RB1CC1: variants seen among roughly 807,000 people sequenced by gnomAD.
RB1CC1 encodes the protein RB1-inducible coiled-coil protein 1.
In RB1CC1, 46 loss-of-function variants were observed where a neutral mutation model predicts 177.5. The ratio of observed to expected loss-of-function variants is 0.26; its 90% confidence interval spans 0.20 to 0.33. The LOEUF is 0.33. Among genes scored for constraint, RB1CC1 ranks in the 10% least tolerant of loss-of-function variants. The pLI, the probability that RB1CC1 is intolerant of heterozygous loss-of-function variation, is 1.00. For missense variants in RB1CC1, 1,703 were observed against 1,816.3 expected (o/e 0.94, Z 1.13); for synonymous variants, 666 against 613.6 (o/e 1.09, Z -1.26).
chr8:52,642,501 C>T lies in RB1CC1; in HGVS notation c.4187G>A (p.Ser1396Asn). The T allele has an allele frequency of 1.2e-6, 2 of 1,614,072 alleles. No homozygotes were observed. Among genetic ancestry groups the T allele is most frequent in the South Asian group, 2.2e-5 (2 of 91,086 alleles). ...AGCTACATATGGTGAAGGAACAAAACTGCTACTACGCAACTTACTGACTTC... is the reference window on the plus strand; with the variant it reads ...AGCTACATATGGTGAAGGAACAAAATTGCTACTACGCAACTTACTGACTTC... ...EEEVSKLRSS[S>N]FVPSPYVATA... The change falls in exon 18 of 24, where the codon AGT becomes AAT. Residue 1396 changes from serine to asparagine, a missense_variant. Ser to Asn is a conservative substitution (Grantham distance 46). This residue lies in a region of RB1CC1 where 1,169 missense variants were observed against 1,184.7 expected (regional missense o/e 0.99). Transcript: ENST00000025008.
chr8:52,627,971 T>A lies in RB1CC1; in HGVS notation c.4636+61A>T, dbSNP rs904834972. The A allele has an allele frequency of 1.1e-5, 15 of 1,406,108 alleles. No homozygotes were observed. In the Admixed American group the frequency reaches 3.3e-4, roughly 31 times the overall value. 87.1% of individuals were successfully genotyped at this position (1,406,108 alleles called of 1,614,324 possible). On this transcript the variant is annotated intron_variant, in intron 22 of 23. Transcript: ENST00000025008. Reference sequence around the variant, plus strand: ...ATGTAATTAAACAGGGAAAAAAAAATCTTTACTTATATAATTTCCTCCATT... The same window carrying A: ...ATGTAATTAAACAGGGAAAAAAAAAACTTTACTTATATAATTTCCTCCATT...
chr8:52,627,109 G>A (rs1563343197), intron 22 of RB1CC1, among the ~76,000 whole-genome samples: 1 of 152,046 alleles, frequency 6.6e-6, no homozygotes, highest in African/African-American at 2.4e-5. Context: ...AGCACTTTGG[G>A]AGCCTGAGGC....
chr8:52,650,406 T>C (rs1448664424), intron 15 of RB1CC1, among the ~76,000 whole-genome samples: 4 of 152,222 alleles, frequency 2.6e-5, no homozygotes, highest in African/African-American at 9.6e-5. Flanking sequence ...TTTGGGGGTC[T>C]TGGTAGACAA....
At chr8:52,659,666 A>G (rs1415129553) in intron 12 of RB1CC1, among the ~76,000 whole-genome samples, 1 of 152,250 alleles carries the variant, frequency 6.6e-6, no homozygotes, top group Non-Finnish European at 1.5e-5. Context: ...GCATACATTT[A>G]AAACACTAAG....
At chr8:52,623,885 C>T (rs1371524789) in intron 23 of RB1CC1, 26 bp from the exon 24 acceptor site, 1 of 1,479,982 alleles carries the variant, frequency 6.8e-7, no homozygotes, top group Non-Finnish European at 9.4e-7. Context: ...AAAATGGAAT[C>T]ACTAGAGTGA....
chr8:52,647,246 C>T (rs745615616), intron 15 of RB1CC1, among the ~76,000 whole-genome samples: 2 of 152,078 alleles, frequency 1.3e-5, no homozygotes, highest in Non-Finnish European at 2.9e-5. Context: ...CTTTATACAG[C>T]CAAATGCAGA....
At chr8:52,642,993 GGTT>G (rs1849709350) in intron 16 of RB1CC1, 181 bp from the exon 17 acceptor site, 1 of 640,786 alleles carries the variant, frequency 1.6e-6, no homozygotes, top group South Asian at 5.5e-5. Flanking sequence ...CTACTTTCTT[GGTT>G]CCAATTTAAG....
In RB1CC1 at chr8:52,623,101, A is replaced by T. The variant is rs1848159305; in HGVS notation, c.*681T>A. Reference sequence around the variant, plus strand: ...GCATTTGAAATGGTTAGTAGCACAGACTCTTCCCTTTAGAACCCAGATGAC... The same window carrying T: ...GCATTTGAAATGGTTAGTAGCACAGTCTCTTCCCTTTAGAACCCAGATGAC... On this transcript the variant is annotated 3_prime_UTR_variant, in exon 24 of 24. Transcript: ENST00000025008. The T allele has an allele frequency of 1.3e-5, 2 of 153,182 alleles. No individual in the cohort carries two copies. Among genetic ancestry groups the T allele is most frequent in the Non-Finnish European group, 2.9e-5 (2 of 68,612 alleles). 9.5% of individuals were successfully genotyped at this position (153,182 alleles called of 1,614,324 possible).
Position 52,645,877 on chromosome 8 carries a change from T to C in RB1CC1, c.3822-10A>G. On this transcript the variant is annotated splice_polypyrimidine_tract_variant and intron_variant, in intron 15 of 23. Transcript: ENST00000025008. ...AGAGTCAATGGCAGGACTTACAAATTAAATACAGCATTAAATTAAAAAAAA... is the reference window on the plus strand; with the variant it reads ...AGAGTCAATGGCAGGACTTACAAATCAAATACAGCATTAAATTAAAAAAAA... 6.3e-7 allele frequency: 1 copy of C among 1,577,370 alleles called. No homozygotes were observed. The highest frequency in any genetic ancestry group is 8.5e-7 in the Non-Finnish European group (1 of 1,170,290).
At chr8:52,664,281 G>A (rs1326169667) in intron 8 of RB1CC1, among the ~76,000 whole-genome samples, 3 of 151,786 alleles carry the variant, frequency 2.0e-5, no homozygotes, top group African/African-American at 7.3e-5. Flanking sequence ...TCTACCTTGG[G>A]GTCTATATTT....
At chr8:52,644,813 G>A (rs1022850243) in intron 16 of RB1CC1, among the ~76,000 whole-genome samples, 1 of 152,040 alleles carries the variant, frequency 6.6e-6, no homozygotes, top group Non-Finnish European at 1.5e-5. Flanking sequence ...TTAGGAAAAG[G>A]AAAAATACCA....
rs769534403 is a variant in RB1CC1, at chr8:52,657,882, C to T, written c.1947G>A (p.Gln649=). The T allele has an allele frequency of 7.4e-6, 12 of 1,613,608 alleles. No homozygotes were observed. Among genetic ancestry groups the T allele is most frequent in the Non-Finnish European group, 9.3e-6 (11 of 1,179,898 alleles). The stretch of plus-strand genomic sequence containing the variant: ...TTTCCATCCTTGGTGAAGAAGCAGA[C>T]TGTGGGGATGTCTGACTCACAGATG... The part of the protein sequence containing the change: ...QKASVSQTSP[Q]SASSPRMEST... The change falls in exon 15 of 24, where the codon CAG becomes CAA. Residue 649 remains glutamine (Q), a synonymous_variant. Transcript: ENST00000025008.
Position 52,642,525 on chromosome 8 carries a change from T to A in RB1CC1, c.4163A>T (p.Glu1388Val), listed in dbSNP as rs758879895. 7.4e-6 allele frequency: 12 copies of A among 1,613,916 alleles called. No homozygotes were observed. The highest frequency in any genetic ancestry group is 1.6e-4 in the Middle Eastern group (1 of 6,084). ...ACTGCTACTACGCAACTTACTGACTTCTTCTTCAAGCTTTTTCTTTTCCTC... is the reference window on the plus strand; with the variant it reads ...ACTGCTACTACGCAACTTACTGACTACTTCTTCAAGCTTTTTCTTTTCCTC... ...LLEEKKKLEE[E>V]VSKLRSSSFV... is the part of the protein sequence containing the mutation. Residue 1388 changes from glutamate to valine, a missense_variant, in exon 18 of 24, where the codon GAA becomes GTA. By Grantham distance (121) the Glu-to-Val change is moderately radical. This residue lies in a region of RB1CC1 where 1,169 missense variants were observed against 1,184.7 expected (regional missense o/e 0.99). Coordinates refer to ENST00000025008, the MANE Select transcript of RB1CC1 (RefSeq NM_014781.5).
intron 21 of RB1CC1, among the ~76,000 whole-genome samples, chr8:52,628,830 CA>C (rs1053611936): frequency 6.6e-6 from 1 of 152,146 alleles, no homozygotes; most frequent in Non-Finnish European, 1.5e-5. Context: ...TTTCAGTTGT[CA>C]AGATCATTTA....
chr8:52,627,961 G>GA (rs201212824), intron 22 of RB1CC1, 71 bp downstream of exon 22: 411 of 1,337,544 alleles, frequency 3.1e-4, no homozygotes, highest in African/African-American at 4.0e-4. Context: ...ATTAAACAGG[G>GA]AAAAAAAAAT....
chr8:52,646,420 AT>A (rs1158660866), intron 15 of RB1CC1, among the ~76,000 whole-genome samples: 1 of 151,650 alleles, frequency 6.6e-6, no homozygotes, highest in Non-Finnish European at 1.5e-5. Context: ...AGGAAAAAGT[AT>A]TTTCTGGTAA....
chr8:52,674,171 G>T lies in RB1CC1; in HGVS notation c.676C>A (p.His226Asn), dbSNP rs1852862936. 1 of 1,613,230 alleles carries T rather than the reference G, an allele frequency of 6.2e-7. No individual in the cohort carries two copies. Among genetic ancestry groups the T allele is most frequent in the African/African-American group, 1.3e-5 (1 of 74,896 alleles). The change falls in exon 7 of 24, where the codon CAT (histidine) becomes AAT (asparagine). Residue 226 changes from histidine (H) to asparagine (N), a missense_variant. This residue lies in a region of RB1CC1 where 315 missense variants were observed against 304.9 expected (regional missense o/e 1.03). Transcript: ENST00000025008. ...ATCTCAGCTTTTTCTGAGTCTTCAT[G>T]TTCAGGTAAAGAATCCAGTCTTCCC... ...CLGRLDSLPE[H>N]EDSEKAEMKR...
chr8:52,664,572 T>C (rs1236717202), intron 8 of RB1CC1, among the ~76,000 whole-genome samples: 1 of 152,124 alleles, frequency 6.6e-6, no homozygotes, highest in Non-Finnish European at 1.5e-5. Flanking sequence ...AATGAAGATG[T>C]TGAAAGAGGA....
chr8:52,655,533 C>T (rs1851015886), intron 15 of RB1CC1, among the ~76,000 whole-genome samples: 7 of 152,018 alleles, frequency 4.6e-5, no homozygotes, highest in Admixed American at 4.6e-4. Context: ...GAGGAAATAA[C>T]TGAAACTGTA....
Sources: allele counts gnomAD v4.1 joint callset (sites outside exome capture counted in the v4.1 genomes callset), GRCh38; gene constraint gnomAD v4.1.1; regional missense constraint gnomAD v4.1.1; transcripts MANE v1.5; gene names NCBI Gene and HGNC (gene_info 2026-07-23, HGNC 2026-07-21).